The following LRRC4C variants were observed in gnomAD, a reference collection of about 807,000 sequenced individuals.
The protein encoded by LRRC4C is leucine rich repeat containing 4C, also known as leucine-rich repeat-containing protein 4C.
A neutral mutation model predicts 33.6 loss-of-function variants in LRRC4C; 5 were observed. The observed-to-expected ratio is 0.15, with a 90% CI of 0.08 to 0.31. LRRC4C has a LOEUF of 0.31. Among genes scored for constraint, LRRC4C ranks in the 10% least tolerant of loss-of-function variants. The pLI, the probability that LRRC4C is intolerant of heterozygous loss-of-function variation, is 1.00. For missense variants in LRRC4C, 560 were observed against 796.7 expected (o/e 0.70, Z 3.58); for synonymous variants, 329 against 302.0 (o/e 1.09, Z -0.93).
chr11:40,428,442 A>T (rs563517558), intron 3 of LRRC4C, among the ~76,000 whole-genome samples: 10 of 152,328 alleles, frequency 6.6e-5, no homozygotes, highest in African/African-American at 2.2e-4. Flanking sequence ...TCTATCTCTG[A>T]CATAATATTA....
At chr11:40,127,550 T>A (rs1388626420) in intron 6 of LRRC4C, among the ~76,000 whole-genome samples, 7 of 152,174 alleles carry the variant, frequency 4.6e-5, no homozygotes, top group Non-Finnish European at 7.3e-5. Context: ...AACTTGAGGC[T>A]TTTAAGCAGG....
intron 1 of LRRC4C, among the ~76,000 whole-genome samples, chr11:41,398,417 A>G (rs1257354294): frequency 6.6e-6 from 1 of 151,996 alleles, no homozygotes; most frequent in Non-Finnish European, 1.5e-5. Context: ...CGATTCTTGA[A>G]ACTTCCTTTC....
At chr11:41,397,568 G>A (rs1354776) in intron 1 of LRRC4C, among the ~76,000 whole-genome samples, 4,065 of 151,680 alleles carry the variant, frequency 0.027, 76 homozygotes, top group African/African-American at 0.057. Flanking sequence ...GCAATTAGTA[G>A]TTACATTTTG....
intron 3 of LRRC4C, among the ~76,000 whole-genome samples, chr11:40,618,258 C>T (rs1962064424): frequency 8.4e-6 from 1 of 119,674 alleles, no homozygotes; most frequent in South Asian, 2.6e-4. Context: ...GGACACACAA[C>T]AGCACCCAGG....
At chr11:40,779,091 A>G (rs1300397921) in intron 2 of LRRC4C, among the ~76,000 whole-genome samples, 1 of 152,192 alleles carries the variant, frequency 6.6e-6, no homozygotes, top group African/African-American at 2.4e-5. Context: ...ACCACCTACC[A>G]CAGGGAAGGT....
In LRRC4C at chr11:41,398,765, C is replaced by T. The variant is rs187376278; in HGVS notation, c.-496+60666G>A. Among the ~76,000 whole-genome samples, 3 of 151,972 alleles carry T rather than the reference C, an allele frequency of 2.0e-5. No individual in the cohort carries two copies. In the East Asian group the frequency reaches 5.8e-4, roughly 30 times the overall value. On this transcript the variant is annotated intron_variant, in intron 1 of 6. Coordinates refer to ENST00000528697, the MANE Select transcript of LRRC4C (RefSeq NM_001258419.2). ...TTATAATAATAATAACAGCAACACA[C>T]AGGCCTAATTCTACCATGGTAAAGC... is the stretch of plus-strand genomic sequence containing the variant.
intron 1 of LRRC4C, among the ~76,000 whole-genome samples, chr11:41,304,202 C>T (rs1165883518): frequency 7.5e-4 from 82 of 109,306 alleles, no homozygotes; most frequent in East Asian, 1.4e-3. Context: ...TGGCCAGCCG[C>T]CCCGTCCGGG....
rs949895416 is a variant in LRRC4C at position 40,616,923 on chromosome 11, CA to C, written c.-270+31218del. On this transcript the variant is annotated intron_variant, in intron 3 of 6. Transcript: ENST00000528697. ...CTTAAAGTATAAAAAAAAAAACTGC[CA>C]AAAAAAAAAGAAAGAAAGAGAATAT... is the stretch of plus-strand genomic sequence containing the variant. Among the ~76,000 whole-genome samples, 348 of 143,866 alleles carry C rather than the reference CA, an allele frequency of 2.4e-3. 2 individuals are homozygous for C. Among genetic ancestry groups the C allele is most frequent in the African/African-American group, 6.8e-3 (266 of 39,182 alleles). The allele number at this position is 143,866 out of a possible 152,430, so 94.4% of individuals were successfully genotyped here.
rs184064143 is a variant in LRRC4C at position 41,438,561 on chromosome 11, T to C, written c.-496+20870A>G. Among the ~76,000 whole-genome samples, 850 of 152,208 alleles carry C rather than the reference T, an allele frequency of 5.6e-3. 9 individuals carry two copies. The highest frequency in any genetic ancestry group is 0.02 in the African/African-American group (824 of 41,536). On this transcript the variant is annotated intron_variant, in intron 1 of 6. Transcript: ENST00000528697. ...AATTGCAATGAAAACAGTATCAGGG[T>C]ATACTATCCCTGGAGCCCCTCTCAG... is the stretch of plus-strand genomic sequence containing the variant.
chr11:40,124,045 A>G (rs923536504), intron 6 of LRRC4C, among the ~76,000 whole-genome samples: 1 of 152,166 alleles, frequency 6.6e-6, no homozygotes, highest in East Asian at 1.9e-4. Flanking sequence ...TATGCAGAAG[A>G]AGAAAACTAG....
intron 2 of LRRC4C, among the ~76,000 whole-genome samples, chr11:40,877,273 C>T (rs1446873936): frequency 6.6e-6 from 1 of 152,060 alleles, no homozygotes; most frequent in African/African-American, 2.4e-5. Flanking sequence ...CATACGGACA[C>T]AAAATGACCA....
chr11:40,926,941 A>G (rs1295271293), intron 2 of LRRC4C, among the ~76,000 whole-genome samples: 1 of 152,202 alleles, frequency 6.6e-6, no homozygotes. Flanking sequence ...TGTTCAGATC[A>G]TTAGGGGACT....
At chr11:41,121,177 CT>C (rs1414467347) in intron 1 of LRRC4C, among the ~76,000 whole-genome samples, 2 of 152,106 alleles carry the variant, frequency 1.3e-5, no homozygotes, top group Non-Finnish European at 2.9e-5. Context: ...TTTATTCAAA[CT>C]TTTTTCAATT....
At chr11:40,278,999 G>A (rs1261890841) in intron 4 of LRRC4C, among the ~76,000 whole-genome samples, 1 of 152,108 alleles carries the variant, frequency 6.6e-6, no homozygotes, top group Non-Finnish European at 1.5e-5. Context: ...TTTCTATGGT[G>A]ATATTTGAGG....
At chr11:41,310,444 A>G (rs1304058203) in intron 1 of LRRC4C, among the ~76,000 whole-genome samples, 1 of 152,124 alleles carries the variant, frequency 6.6e-6, no homozygotes, top group Admixed American at 6.5e-5. Flanking sequence ...ACCCACCTCC[A>G]CCATTTATTT....
chr11:40,159,997 C>T (rs1475827923), intron 5 of LRRC4C, among the ~76,000 whole-genome samples: 1 of 152,092 alleles, frequency 6.6e-6, no homozygotes, highest in Non-Finnish European at 1.5e-5. Context: ...GAGACTACAC[C>T]TCTACGTGTT....
At chr11:40,362,171 T>A (rs561403843) in intron 3 of LRRC4C, among the ~76,000 whole-genome samples, 1 of 152,090 alleles carries the variant, frequency 6.6e-6, no homozygotes, top group South Asian at 2.1e-4. Flanking sequence ...TGGGAAACAA[T>A]ATAGGCAATA....
chr11:40,468,545 T>G (rs1283698390), intron 3 of LRRC4C, among the ~76,000 whole-genome samples: 1 of 147,762 alleles, frequency 6.8e-6, no homozygotes, highest in African/African-American at 2.7e-5. Context: ...GCTTATAGCC[T>G]AGCTAGGTTG....
intron 3 of LRRC4C, among the ~76,000 whole-genome samples, chr11:40,439,483 T>G (rs890566442): frequency 6.6e-6 from 1 of 150,516 alleles, no homozygotes; most frequent in Non-Finnish European, 1.5e-5. Flanking sequence ...AGACGGAGTC[T>G]CATTCTGTCG....
Sources: gnomAD v4.1 joint callset for allele counts (sites outside exome capture counted in the v4.1 genomes callset) on GRCh38, gnomAD v4.1.1 for gene constraint, MANE v1.5 for transcripts, NCBI Gene and HGNC (gene_info 2026-07-23, HGNC 2026-07-21) for gene names.